The following MECR variants were observed in gnomAD, a reference collection of about 807,000 sequenced individuals.
The protein encoded by MECR is enoyl-[acyl-carrier-protein] reductase, mitochondrial.
MECR carries 37 observed loss-of-function variants against 49.1 expected under a neutral mutation model. That is an observed-to-expected ratio of 0.75 (90% CI 0.58 to 0.99). MECR has a LOEUF of 0.99. MECR is among the 50% of genes least tolerant of loss of function. The pLI is 0.00. For missense variants in MECR, 470 were observed against 479.6 expected, an observed-to-expected ratio of 0.98 and a Z score of 0.19; for synonymous variants, 198 against 191.1, an observed-to-expected ratio of 1.04 and a Z score of -0.30.
At chr1:29,167,705 C>T in the MECR span, among the ~76,000 whole-genome samples, 1 of 152,114 alleles carries the variant, frequency 6.6e-6, no homozygotes, top group Non-Finnish European at 1.5e-5. Flanking sequence ...CTTTTTAAGT[C>T]TTGTTTTTGT....
At chr1:29,229,452 G>A (rs534951042) in intron 1 of MECR, among the ~76,000 whole-genome samples, 2 of 152,268 alleles carry the variant, frequency 1.3e-5, no homozygotes, top group Admixed American at 6.5e-5. Flanking sequence ...TGATCCACCC[G>A]CCTCAGTCTC....
intron 2 of MECR, among the ~76,000 whole-genome samples, 192 bp from the exon 3 acceptor site, chr1:29,216,328 T>G (rs1679397840): frequency 2.0e-5 from 3 of 152,142 alleles, no homozygotes; most frequent in Admixed American, 2.0e-4. Flanking sequence ...ATCATGAAAA[T>G]CAGGTAACAT....
At chr1:29,228,353 C>CT (rs5773235) in intron 1 of MECR, among the ~76,000 whole-genome samples, 60 of 134,576 alleles carry the variant, frequency 4.5e-4, no homozygotes, top group African/African-American at 1.1e-3. Flanking sequence ...GTGGAAGTAT[C>CT]TTTTTTTTTT....
At chr1:29,180,097 CT>C in the MECR span, among the ~76,000 whole-genome samples, 1 of 152,212 alleles carries the variant, frequency 6.6e-6, no homozygotes, top group East Asian at 1.9e-4. Flanking sequence ...TCTAATCTTC[CT>C]TTTCCACATG....
the MECR span, among the ~76,000 whole-genome samples, chr1:29,182,337 C>G: frequency 8.5e-5 from 13 of 152,216 alleles, no homozygotes; most frequent in African/African-American, 3.1e-4. Context: ...GAGAGTAGTT[C>G]CTACCTTCCA....
chr1:29,193,187 C>T lies in MECR; in HGVS notation c.*835G>A, dbSNP rs558448465. ...CTTGAACTCCTGGGCTCAAGTGATC[C>T]GCTTGCCTTGGCTTCCCAAAGTGCT... is the stretch of plus-strand genomic sequence containing the variant. On this transcript the variant is annotated 3_prime_UTR_variant, in exon 10 of 10. Coordinates refer to ENST00000263702, the MANE Select transcript of MECR (RefSeq NM_016011.5). 3.8e-5 allele frequency: 7 copies of T among 186,478 alleles called. No individual in the cohort carries two copies. In the South Asian group the frequency reaches 4.3e-4, roughly 11 times the overall value. 11.6% of individuals were successfully genotyped at this position (186,478 alleles called of 1,614,324 possible). A position where few individuals can be genotyped will look rare whatever the true frequency, so the allele number is the denominator to read the frequency against.
intron 3 of MECR, among the ~76,000 whole-genome samples, chr1:29,214,595 C>T (rs1678888079): frequency 7.2e-5 from 1 of 13,948 alleles, no homozygotes; most frequent in Non-Finnish European, 1.3e-4. Context: ...CTCCTGATCT[C>T]AGGTGATCCA....
chr1:29,183,472 A>G, the MECR span, among the ~76,000 whole-genome samples: 2 of 152,134 alleles, frequency 1.3e-5, no homozygotes, highest in Admixed American at 6.6e-5. Context: ...TTATTGCTCA[A>G]TTCCCCTTAA....
Position 29,206,774 on chromosome 1 carries a change from G to A in MECR, c.538C>T (p.Gln180Ter). Residue 180 changes from glutamine to a stop codon, truncating the protein, a stop_gained, in exon 4 of 10, where the codon CAA (glutamine) becomes TAA (stop). Transcript: ENST00000263702. LOFTEE classifies it high-confidence loss of function. ...TAYRMLMDFEQLQPGDSVIQN... is the reference protein window; with the variant it reads ...TAYRMLMDFE ...TGTGGGTTCCTACCTGGCTGCAGTT[G>A]CTCGAAGTCCATCAACATCCTGTAG... 3.7e-6 allele frequency: 6 copies of A among 1,614,086 alleles called. No individual in the cohort carries two copies. The highest frequency in any genetic ancestry group is 5.1e-6 in the Non-Finnish European group (6 of 1,179,978).
At chr1:29,219,972 G>C (rs1227125431) in intron 1 of MECR, among the ~76,000 whole-genome samples, 1 of 152,164 alleles carries the variant, frequency 6.6e-6, no homozygotes, top group Non-Finnish European at 1.5e-5. Context: ...GTCAGAATAT[G>C]TGTATATGTG....
intron 3 of MECR, among the ~76,000 whole-genome samples, chr1:29,212,949 C>T (rs1678394089): frequency 6.6e-6 from 1 of 152,204 alleles, no homozygotes; most frequent in East Asian, 1.9e-4. Context: ...TTCACACACG[C>T]TGCACTCTGT....
At chr1:29,220,219 C>T (rs1250004641) in intron 1 of MECR, among the ~76,000 whole-genome samples, 5 of 129,598 alleles carry the variant, frequency 3.9e-5, no homozygotes, top group Non-Finnish European at 8.3e-5. Flanking sequence ...GGCGAAACCC[C>T]GTCTCTACTA....
chr1:29,190,333 C>A (rs1328474820), downstream of MECR, among the ~76,000 whole-genome samples: 2 of 151,836 alleles, frequency 1.3e-5, no homozygotes, highest in African/African-American at 4.8e-5. Context: ...CGACATCGCG[C>A]CACCCAGACT....
chr1:29,183,024 G>A, the MECR span, among the ~76,000 whole-genome samples: 3 of 152,146 alleles, frequency 2.0e-5, no homozygotes, highest in Non-Finnish European at 4.4e-5. Flanking sequence ...ACCATAAAGG[G>A]TTTTGTTTCT....
chr1:29,174,212 G>A, the MECR span, among the ~76,000 whole-genome samples: 4 of 145,622 alleles, frequency 2.7e-5, no homozygotes, highest in African/African-American at 2.5e-5. Context: ...AAAGAAAAAA[G>A]AAAAAAAAAA....
Position 29,196,103 on chromosome 1 carries a change from T to C in MECR, c.892-90A>G. 4 of 1,599,144 alleles carry C rather than the reference T, an allele frequency of 2.5e-6. No individual in the cohort carries two copies. In the East Asian group the frequency reaches 6.7e-5, roughly 27 times the overall value. On this transcript the variant is annotated intron_variant, in intron 8 of 9. Transcript: ENST00000263702. Reference sequence around the variant, plus strand: ...CAGACTCCCCTCCAGGAACGGGGCATTGCCTAAGCTTAGACAGCTGTCGTG... The same window carrying C: ...CAGACTCCCCTCCAGGAACGGGGCACTGCCTAAGCTTAGACAGCTGTCGTG...
intron 7 of MECR, among the ~76,000 whole-genome samples, chr1:29,198,162 G>T (rs1238223386): frequency 6.6e-6 from 1 of 152,178 alleles, no homozygotes; most frequent in Non-Finnish European, 1.5e-5. Context: ...CCACTGATCT[G>T]TCAGGAGGCG....
chr1:29,195,240 A>C (rs1287464925), intron 9 of MECR, among the ~76,000 whole-genome samples: 1 of 152,190 alleles, frequency 6.6e-6, no homozygotes, highest in African/African-American at 2.4e-5. Context: ...GCTCAGATCT[A>C]GTGCTCCAGG....
chr1:29,191,915 A>C (rs1673145097), downstream of MECR, among the ~76,000 whole-genome samples: 1 of 151,974 alleles, frequency 6.6e-6, no homozygotes, highest in South Asian at 2.1e-4. Context: ...AACATAGTGA[A>C]ACCCCATCTC....
Sources: gnomAD v4.1 joint callset for allele counts (sites outside exome capture counted in the v4.1 genomes callset) on GRCh38, gnomAD v4.1.1 for gene constraint, MANE v1.5 for transcripts, NCBI Gene and HGNC (gene_info 2026-07-23, HGNC 2026-07-21) for gene names.